SCN10A: variants seen among roughly 807,000 people sequenced by gnomAD.
SCN10A encodes the protein sodium channel protein type 10 subunit alpha.
Under a neutral mutation model 170.7 loss-of-function variants are expected in SCN10A, and 162 were observed. The ratio of observed to expected loss-of-function variants is 0.95; its 90% CI spans 0.84 to 1.08. The LOEUF (loss-of-function observed/expected upper bound fraction) is 1.08. Among genes scored for constraint, SCN10A ranks in the 50% least tolerant of loss-of-function variants. The probability of loss-of-function intolerance (pLI) is 0.00; values close to 1 mark genes in which losing one functional copy is unlikely to be tolerated. For missense variants in SCN10A, 2,527 were observed against 2,436.9 expected, an observed-to-expected ratio of 1.04 and a Z score of -0.78; for synonymous variants, 985 against 904.6, an observed-to-expected ratio of 1.09 and a Z score of -1.59.
In SCN10A at chr3:38,746,081, A is replaced by ATT. The variant is rs2063685935; in HGVS notation, c.1868-3553_1868-3552insAA. 8.3e-4 allele frequency among the ~76,000 whole-genome samples: 77 copies of ATT among 93,160 alleles called. 1 individual carries two copies. Among genetic ancestry groups the ATT allele is most frequent in the Middle Eastern group, 0.012 (2 of 166 alleles). 61.1% of individuals were successfully genotyped at this position (93,160 alleles called of 152,430 possible). Reference sequence around the variant, plus strand: ...TGTATGTGTATATATATATATATATATATATATATATATATATATGCCATC... The same window carrying ATT: ...TGTATGTGTATATATATATATATATATTTATATATATATATATATATGCCATC... On this transcript the variant is annotated intron_variant, in intron 13 of 27. Coordinates refer to ENST00000449082, the MANE Select transcript of SCN10A (RefSeq NM_006514.4).
chr3:38,715,601 T>A (rs1195783346), intron 21 of SCN10A, among the ~76,000 whole-genome samples: 4 of 152,332 alleles, frequency 2.6e-5, no homozygotes, highest in African/African-American at 9.6e-5. Context: ...AAGACGGGCC[T>A]TCCCCAGTCC....
intron 15 of SCN10A, among the ~76,000 whole-genome samples, chr3:38,732,167 A>C (rs1187295105): frequency 1.3e-5 from 2 of 152,204 alleles, no homozygotes; most frequent in Non-Finnish European, 2.9e-5. Context: ...GTCTCCATTC[A>C]CTTTTCTCCT....
rs1281955309 is a variant in SCN10A at position 38,739,633 on chromosome 3, G to A, written c.2162C>T (p.Pro721Leu). Residue 721 changes from proline (P) to leucine (L), a missense_variant, in exon 15 of 28, where the codon CCA becomes CTA. Transcript: ENST00000449082. The part of the protein sequence containing the change: ...EMVFKIIAFD[P>L]YYYFQKKWNI... ...CCACTTCTTCTGGAAATAATAGTAT[G>A]GGTCGAAGGCAATGATTTTGAAGAC... The A allele has an allele frequency of 1.2e-6, 2 of 1,613,934 alleles. No individual in the cohort carries two copies. The highest frequency in any genetic ancestry group is 1.6e-4 in the Middle Eastern group (1 of 6,084).
chr3:38,699,133 C>A (rs1309543105), intron 27 of SCN10A, among the ~76,000 whole-genome samples: 3 of 151,148 alleles, frequency 2.0e-5, no homozygotes, highest in Non-Finnish European at 4.4e-5. Context: ...AGGATTCGGG[C>A]AACTGGCTGA....
chr3:38,739,158 G>T (rs1264861406), intron 15 of SCN10A, among the ~76,000 whole-genome samples: 2 of 152,192 alleles, frequency 1.3e-5, no homozygotes, highest in Non-Finnish European at 2.9e-5. Flanking sequence ...AAAATGAGGT[G>T]CGTTTTTTCA....
At chr3:38,722,167 A>G in intron 20 of SCN10A, 91 bp downstream of exon 20, 2 of 1,286,604 alleles carry the variant, frequency 1.6e-6, no homozygotes, top group Non-Finnish European at 2.2e-6. Context: ...CTCAGTAGTC[A>G]GGAGAACCCA....
Position 38,728,745 on chromosome 3 carries a change from A to G in SCN10A, c.2437T>C (p.Tyr813His), listed in dbSNP as rs1385845692. The G allele has an allele frequency of 1.2e-6, 2 of 1,614,092 alleles. No homozygotes were observed. Among genetic ancestry groups the G allele is most frequent in the African/African-American group, 1.3e-5 (1 of 74,926 alleles). The change falls in exon 16 of 28, where the codon TAC becomes CAC. Residue 813 changes from tyrosine (Y) to histidine (H), a missense_variant. Transcript: ENST00000449082. Reference sequence around the variant, plus strand: ...GAGATATTTTTTCGGTTGTTACGGTAGTTTTCCCCTAGGAGCTGCTTGCCA... The same window carrying G: ...GAGATATTTTTTCGGTTGTTACGGTGGTTTTCCCCTAGGAGCTGCTTGCCA... ...LVGKQLLGEN[Y>H]RNNRKNISAP...
intron 7 of SCN10A, 76 bp downstream of exon 7, chr3:38,761,116 G>T (rs2063864812): frequency 8.5e-7 from 1 of 1,183,294 alleles, no homozygotes; most frequent in Non-Finnish European, 1.2e-6. Context: ...ACACACAGGG[G>T]CTCCATATCC....
At chr3:38,728,161 A>G (rs986360615) in intron 16 of SCN10A, among the ~76,000 whole-genome samples, 2 of 152,218 alleles carry the variant, frequency 1.3e-5, no homozygotes, top group Admixed American at 6.5e-5. Flanking sequence ...ACATTGCATT[A>G]GGCAATTTGC....
chr3:38,803,705 G>A (rs941069012), intron 1 of SCN10A, among the ~76,000 whole-genome samples: 14 of 151,050 alleles, frequency 9.3e-5, no homozygotes, highest in East Asian at 1.9e-4. Flanking sequence ...TGTAAATGAC[G>A]AGTTAATGGG....
intron 4 of SCN10A, among the ~76,000 whole-genome samples, chr3:38,787,671 C>T (rs915853348): frequency 6.6e-6 from 1 of 151,800 alleles, no homozygotes; most frequent in Non-Finnish European, 1.5e-5. Flanking sequence ...TGATGCAATC[C>T]CCTTTTTAAA....
intron 12 of SCN10A, among the ~76,000 whole-genome samples, chr3:38,751,538 G>T (rs148639634): frequency 6.6e-6 from 1 of 152,160 alleles, no homozygotes; most frequent in Non-Finnish European, 1.5e-5. Context: ...CTGCAATTGC[G>T]CTGTATCCCT....
intron 24 of SCN10A, 98 bp from the exon 25 acceptor site, chr3:38,709,713 T>C: frequency 8.9e-7 from 1 of 1,121,596 alleles, no homozygotes; most frequent in Non-Finnish European, 1.2e-6. Flanking sequence ...GTGCAGGTGA[T>C]TTATCTGGGA....
At chr3:38,811,825 C>A (rs934786686) in intron 1 of SCN10A, among the ~76,000 whole-genome samples, 1 of 152,158 alleles carries the variant, frequency 6.6e-6, no homozygotes, top group Non-Finnish European at 1.5e-5. Context: ...CCTTTTTCCT[C>A]CTCTCATACT....
intron 17 of SCN10A, 82 bp from the exon 18 acceptor site, chr3:38,725,396 C>T: frequency 7.3e-7 from 1 of 1,371,996 alleles, no homozygotes; most frequent in Non-Finnish European, 9.7e-7. Context: ...TTGCACATCA[C>T]AGGCTGCCAG....
Position 38,712,109 on chromosome 3 carries a change from T to A in SCN10A, c.4089+52A>T, listed in dbSNP as rs13315383. 2.3e-3 allele frequency: 3,570 copies of A among 1,584,038 alleles called. 71 individuals carry two copies. The African/African-American group carries it at 0.039, about 17-fold the overall frequency. Reference sequence around the variant, plus strand: ...ATCTTCTGGGAACCTAGACTCTCCATTTTATTGAGCGGCCAAAGCAAGAGA... The same window carrying A: ...ATCTTCTGGGAACCTAGACTCTCCAATTTATTGAGCGGCCAAAGCAAGAGA... On this transcript the variant is annotated intron_variant, in intron 23 of 27. Transcript: ENST00000449082.
chr3:38,721,783 A>C (rs145638853), intron 20 of SCN10A, among the ~76,000 whole-genome samples: 180 of 152,352 alleles, frequency 1.2e-3, no homozygotes, highest in African/African-American at 4.1e-3. Flanking sequence ...GTGAGCTTTA[A>C]AGGAGTAATT....
At chr3:38,710,107 C>A (rs1459286644) in intron 24 of SCN10A, among the ~76,000 whole-genome samples, 5 of 152,118 alleles carry the variant, frequency 3.3e-5, no homozygotes, top group African/African-American at 1.2e-4. Context: ...CAGTGCCTGC[C>A]ACAGCAGGAA....
At chr3:38,742,222 T>C (rs2126014804) in intron 14 of SCN10A, 69 bp downstream of exon 14, 7 of 767,992 alleles carry the variant, frequency 9.1e-6, no homozygotes, top group East Asian at 3.0e-5. Flanking sequence ...CCACCCGAAC[T>C]GCACCCTGCC....
Sources: gnomAD v4.1 joint callset for allele counts (sites outside exome capture counted in the v4.1 genomes callset) on GRCh38, gnomAD v4.1.1 for gene constraint, MANE v1.5 for transcripts, NCBI Gene and HGNC (gene_info 2026-07-23, HGNC 2026-07-21) for gene names.